The following EPB41L4A variants were observed in gnomAD, a reference collection of about 807,000 sequenced individuals.
The protein encoded by EPB41L4A is band 4.1-like protein 4A.
A neutral mutation model predicts 108.6 loss-of-function variants in EPB41L4A; 100 were observed. The observed-to-expected ratio is 0.92, with a 90% CI of 0.78 to 1.09. The LOEUF is 1.09. Among genes scored for constraint, EPB41L4A ranks in the 50% least tolerant of loss-of-function variants. The pLI is 0.00. For missense variants in EPB41L4A, 1,030 were observed against 842.7 expected (o/e 1.22, Z -2.75); for synonymous variants, 319 against 289.0 (o/e 1.10, Z -1.05).
intron 9 of EPB41L4A, chr5:112,257,253 T>C (rs1050103159): frequency 2.6e-5 from 4 of 152,208 alleles, no homozygotes; most frequent in African/African-American, 9.6e-5. Context: ...GGAAACAGAA[T>C]GCTTTGACTA....
chr5:112,314,969 C>T (rs1284959524), intron 1 of EPB41L4A, among the ~76,000 whole-genome samples: 4 of 152,112 alleles, frequency 2.6e-5, no homozygotes, highest in Admixed American at 2.6e-4. Flanking sequence ...ATTTTGTCTT[C>T]GATAATAATG....
chr5:112,176,421 T>C (rs553780528), intron 18 of EPB41L4A, among the ~76,000 whole-genome samples: 5 of 152,192 alleles, frequency 3.3e-5, no homozygotes, highest in African/African-American at 1.2e-4. Flanking sequence ...AACTGCCTAC[T>C]TGGCATCTCA....
intron 12 of EPB41L4A, among the ~76,000 whole-genome samples, chr5:112,230,674 G>C (rs1748848205): frequency 1.3e-5 from 2 of 151,354 alleles, no homozygotes; most frequent in Admixed American, 1.3e-4. Context: ...CCAGTCTGTG[G>C]GTTGACTGTT....
chr5:112,279,064 C>CAAAAA (rs60463391), intron 3 of EPB41L4A, among the ~76,000 whole-genome samples: 3 of 76,870 alleles, frequency 3.9e-5, no homozygotes, highest in South Asian at 5.7e-4. Flanking sequence ...GATACCGTCT[C>CAAAAA]AAAAAAAAAA....
At chr5:112,346,621 C>T (rs889477792) in intron 1 of EPB41L4A, among the ~76,000 whole-genome samples, 1 of 152,314 alleles carries the variant, frequency 6.6e-6, no homozygotes. Flanking sequence ...GAGTATAGAT[C>T]ATTCTGGTTC....
intron 12 of EPB41L4A, among the ~76,000 whole-genome samples, chr5:112,149,118 A>G (rs1246120724): frequency 1.3e-5 from 2 of 152,192 alleles, no homozygotes; most frequent in African/African-American, 4.8e-5. Flanking sequence ...TCATCTTATT[A>G]TTTTAAACGA....
At chr5:112,265,599 T>C (rs1025546739) in intron 5 of EPB41L4A, among the ~76,000 whole-genome samples, 4 of 152,236 alleles carry the variant, frequency 2.6e-5, no homozygotes, top group African/African-American at 9.6e-5. Flanking sequence ...ACATTTTTCC[T>C]AGCATATTTC....
chr5:112,334,747 C>G (rs7703875), intron 1 of EPB41L4A, among the ~76,000 whole-genome samples: 6,728 of 152,174 alleles, frequency 0.044, 394 homozygotes, highest in African/African-American at 0.13. Context: ...AACCCAACCA[C>G]CTTGGGCGCA....
chr5:112,351,704 T>C (rs1758053908), intron 1 of EPB41L4A, among the ~76,000 whole-genome samples: 1 of 152,010 alleles, frequency 6.6e-6, no homozygotes, highest in South Asian at 2.1e-4. Context: ...AGAAAAACTG[T>C]AGGCCTATAT....
At chr5:112,393,933 A>G (rs907259863) in intron 1 of EPB41L4A, among the ~76,000 whole-genome samples, 1 of 152,232 alleles carries the variant, frequency 6.6e-6, no homozygotes, top group Admixed American at 6.5e-5. Context: ...GGCTGGTTCA[A>G]CATACGCAAA....
intron 1 of EPB41L4A, among the ~76,000 whole-genome samples, chr5:112,330,528 G>A: frequency 6.6e-6 from 1 of 152,062 alleles, no homozygotes; most frequent in East Asian, 1.9e-4. Context: ...TATTTATTAA[G>A]TAGCAGCCAT....
chr5:112,195,616 T>G lies in EPB41L4A; in HGVS notation c.1424+45A>C, dbSNP rs751482433. On this transcript the variant is annotated intron_variant, in intron 16 of 22. Transcript: ENST00000261486. ...TAACTCTGAGCATTTCTAAATCTGCTAACCCTTCTTCCCTCTGACTGTCCT... is the reference window on the plus strand; with the variant it reads ...TAACTCTGAGCATTTCTAAATCTGCGAACCCTTCTTCCCTCTGACTGTCCT... The G allele has an allele frequency of 2.2e-5, 33 of 1,510,514 alleles. 1 individual carries two copies. The Admixed American group carries it at 3.9e-4, about 18-fold the overall frequency. 93.6% of individuals were successfully genotyped at this position (1,510,514 alleles called of 1,614,324 possible). A position where few individuals can be genotyped will look rare whatever the true frequency, so the allele number is the denominator to read the frequency against.
intron 17 of EPB41L4A, among the ~76,000 whole-genome samples, chr5:112,193,370 C>A (rs1482551190): frequency 6.6e-6 from 1 of 152,158 alleles, no homozygotes; most frequent in Non-Finnish European, 1.5e-5. Context: ...GGCACAGTCT[C>A]GGCTCACTGC....
chr5:112,279,045 C>T (rs1752789752), intron 3 of EPB41L4A, among the ~76,000 whole-genome samples: 1 of 137,276 alleles, frequency 7.3e-6, no homozygotes, highest in African/African-American at 2.8e-5. Context: ...AGCCTGGGTG[C>T]CAGAGCAAGA....
intron 18 of EPB41L4A, among the ~76,000 whole-genome samples, chr5:112,174,511 A>G (rs1348182133): frequency 1.3e-5 from 2 of 152,228 alleles, no homozygotes; most frequent in Non-Finnish European, 2.9e-5. Context: ...ACATACAAAT[A>G]TTCCACTTTA....
At chr5:112,374,655 G>T (rs1759697169) in intron 1 of EPB41L4A, among the ~76,000 whole-genome samples, 1 of 152,198 alleles carries the variant, frequency 6.6e-6, no homozygotes, top group South Asian at 2.1e-4. Flanking sequence ...CCACAAACGT[G>T]TGCTTTCTCA....
In EPB41L4A at chr5:112,209,869, T is replaced by C. The variant is rs117281556; in HGVS notation, c.1178+23A>G. On this transcript the variant is annotated intron_variant, in intron 13 of 22. Transcript: ENST00000261486. ...TTTTACAACAGCATATAATTGTACG[T>C]TTCTTCAGTTAACTTCACTGACCTT... 2.0e-3 allele frequency: 2,830 copies of C among 1,439,854 alleles called. 68 individuals are homozygous for C. In the East Asian group the frequency reaches 0.056, roughly 28 times the overall value. 89.2% of individuals were successfully genotyped at this position (1,439,854 alleles called of 1,614,324 possible). A position where few individuals can be genotyped will look rare whatever the true frequency, so the allele number is the denominator to read the frequency against.
intron 20 of EPB41L4A, among the ~76,000 whole-genome samples, chr5:112,169,583 A>G (rs1307059642): frequency 1.3e-5 from 2 of 152,248 alleles, no homozygotes; most frequent in Non-Finnish European, 2.9e-5. Flanking sequence ...TAGATACATT[A>G]GCTTGACTTC....
chr5:112,362,454 T>C (rs1329572885), intron 1 of EPB41L4A, among the ~76,000 whole-genome samples: 1 of 152,084 alleles, frequency 6.6e-6, no homozygotes. Context: ...ATAATTTTTG[T>C]ATTTTTAGTA....
Sources: allele counts gnomAD v4.1 joint callset (sites outside exome capture counted in the v4.1 genomes callset), GRCh38; gene constraint gnomAD v4.1.1; transcripts MANE v1.5; gene names NCBI Gene and HGNC (gene_info 2026-07-23, HGNC 2026-07-21).